BST1: variants seen among roughly 807,000 people sequenced by gnomAD.
BST1 encodes bone marrow stromal cell antigen 1.
BST1 carries 49 observed loss-of-function variants against 40.6 expected under a neutral mutation model. That is an observed-to-expected ratio of 1.21 (90% CI 0.96 to 1.53). The LOEUF is 1.53. Among genes scored for constraint, BST1 ranks in the 40% most tolerant of loss-of-function variants. The pLI, the probability that BST1 is intolerant of heterozygous loss-of-function variation, is 0.00. For missense variants in BST1, 423 were observed against 395.9 expected (o/e 1.07, Z -0.58); for synonymous variants, 157 against 159.3 (o/e 0.99, Z 0.11).
chr4:15,772,573 AGT>A, the BST1 span, among the ~76,000 whole-genome samples: 1 of 152,314 alleles, frequency 6.6e-6, no homozygotes, highest in Non-Finnish European at 1.5e-5. Flanking sequence ...AAATTCTCAG[AGT>A]GTGCATTCCT....
chr4:15,709,726 C>T (rs1577570813), intron 3 of BST1, among the ~76,000 whole-genome samples: 1 of 152,088 alleles, frequency 6.6e-6, no homozygotes. Context: ...ATGTGTATGT[C>T]ATGGAATCCT....
chr4:15,758,298 C>A, the BST1 span, among the ~76,000 whole-genome samples: 9 of 152,144 alleles, frequency 5.9e-5, no homozygotes, highest in South Asian at 2.1e-4. Context: ...TCCCCTTCCG[C>A]CCTGTCTCCT....
chr4:15,758,539 GC>G, the BST1 span, among the ~76,000 whole-genome samples: 15 of 152,220 alleles, frequency 9.9e-5, no homozygotes, highest in African/African-American at 3.6e-4. Flanking sequence ...CATATCCTTA[GC>G]ATTTTTTTGT....
At chr4:15,748,265 A>G in the BST1 span, among the ~76,000 whole-genome samples, 1 of 152,170 alleles carries the variant, frequency 6.6e-6, no homozygotes, top group African/African-American at 2.4e-5. Flanking sequence ...AAGGGACAGT[A>G]TTTCCCAGGA....
intron 7 of BST1, 96 bp downstream of exon 7, chr4:15,719,089 A>G: frequency 9.3e-7 from 1 of 1,070,282 alleles, no homozygotes; most frequent in Non-Finnish European, 1.3e-6. Context: ...CTCAGCTCTG[A>G]AGGCCATGGT....
Position 15,731,750 on chromosome 4 carries a change from G to A in BST1, c.862G>A (p.Ala288Thr). The A allele has an allele frequency of 1.2e-6, 2 of 1,612,514 alleles. No individual in the cohort carries two copies. Among genetic ancestry groups the A allele is most frequent in the Non-Finnish European group, 1.7e-6 (2 of 1,179,320 alleles). Residue 288 changes from alanine (A) to threonine (T), a missense_variant, in exon 9 of 9, where the codon GCT becomes ACT. Coordinates refer to ENST00000265016, the MANE Select transcript of BST1 (RefSeq NM_004334.3). ...CTTGTTAATTTGCAGGGCAGCAGCCGCTACTCAAAGAAAAGCCCCAAGTCT... is the reference window on the plus strand; with the variant it reads ...CTTGTTAATTTGCAGGGCAGCAGCCACTACTCAAAGAAAAGCCCCAAGTCT... ...PDCALKSAAAATQRKAPSLYT... is the reference protein window; with the variant it reads ...PDCALKSAAATTQRKAPSLYT...
intron 2 of BST1, 98 bp downstream of exon 2, chr4:15,705,739 G>T: frequency 6.9e-7 from 1 of 1,459,700 alleles, no homozygotes; most frequent in African/African-American, 1.4e-5. Flanking sequence ...CCTGCATCCT[G>T]CAATGTCACA....
the BST1 span, among the ~76,000 whole-genome samples, chr4:15,756,949 C>G: frequency 6.6e-6 from 1 of 152,156 alleles, no homozygotes; most frequent in Admixed American, 6.5e-5. Context: ...TGAAAAGCTG[C>G]CCTTTGTAAA....
chr4:15,729,514 C>G (rs1388681122), intron 8 of BST1, among the ~76,000 whole-genome samples: 2 of 152,034 alleles, frequency 1.3e-5, no homozygotes, highest in Non-Finnish European at 2.9e-5. Flanking sequence ...TAAAACATCA[C>G]AGGAATTAAG....
chr4:15,722,981 C>T, intron 8 of BST1, 47 bp downstream of exon 8: 2 of 1,557,406 alleles, frequency 1.3e-6, no homozygotes, highest in African/African-American at 2.7e-5. Flanking sequence ...AGATAACCAT[C>T]TCCTTTCAGA....
chr4:15,766,596 T>C, the BST1 span, among the ~76,000 whole-genome samples: 1 of 151,794 alleles, frequency 6.6e-6, no homozygotes, highest in African/African-American at 2.4e-5. Flanking sequence ...TTTCAGGATG[T>C]GGGAGGAGAA....
chr4:15,731,397 G>C, intron 8 of BST1: 1 of 579,544 alleles, frequency 1.7e-6, no homozygotes, highest in South Asian at 1.8e-5. Flanking sequence ...CACAGGCTTG[G>C]CCTTGTCACG....
the BST1 span, among the ~76,000 whole-genome samples, chr4:15,757,428 C>T: frequency 6.6e-6 from 1 of 152,118 alleles, no homozygotes; most frequent in African/African-American, 2.4e-5. Context: ...ACCAGCTCCA[C>T]TGTCCTAGTC....
intron 8 of BST1, chr4:15,723,624 T>A: frequency 1.0e-6 from 1 of 983,306 alleles, no homozygotes; most frequent in Non-Finnish European, 1.2e-6. Context: ...TGTTTTGCTA[T>A]TATAAACAAT....
At chr4:15,717,846 G>T (rs1720593727) in intron 6 of BST1, among the ~76,000 whole-genome samples, 1 of 152,176 alleles carries the variant, frequency 6.6e-6, no homozygotes, top group African/African-American at 2.4e-5. Flanking sequence ...TGGGCATTTT[G>T]CAGAATGGTG....
At chr4:15,711,580 A>G (rs778830604) in intron 3 of BST1, among the ~76,000 whole-genome samples, 9 of 152,190 alleles carry the variant, frequency 5.9e-5, no homozygotes, top group Non-Finnish European at 1.3e-4. Flanking sequence ...TGCCTTCCTC[A>G]CATTTGTGAT....
chr4:15,745,135 T>A, the BST1 span, among the ~76,000 whole-genome samples: 3 of 152,200 alleles, frequency 2.0e-5, no homozygotes, highest in Admixed American at 6.5e-5. Flanking sequence ...GCAAAAAGCA[T>A]AAATTCTGAT....
downstream of BST1, chr4:15,736,140 T>C (rs1219109393): frequency 1.6e-6 from 2 of 1,287,690 alleles, no homozygotes; most frequent in Non-Finnish European, 1.0e-6. Flanking sequence ...AGGTAAATCA[T>C]GGGTTTCAAA....
chr4:15,720,865 A>G (rs1720771936), intron 7 of BST1, among the ~76,000 whole-genome samples: 2 of 152,168 alleles, frequency 1.3e-5, no homozygotes, highest in Non-Finnish European at 2.9e-5. Flanking sequence ...CAAAAAGCTC[A>G]ATGATGGAGA....
Sources: allele counts gnomAD v4.1 joint callset (sites outside exome capture counted in the v4.1 genomes callset), GRCh38; gene constraint gnomAD v4.1.1; transcripts MANE v1.5; gene names NCBI Gene and HGNC (gene_info 2026-07-23, HGNC 2026-07-21).